The following VMP1 variants were observed in gnomAD, a reference collection of about 807,000 sequenced individuals.
The protein encoded by VMP1 is ectopic P-granules autophagy protein 3 homolog.
Under a neutral mutation model 56.0 loss-of-function variants are expected in VMP1, and 11 were observed. That is an observed-to-expected ratio of 0.20 (90% confidence interval 0.12 to 0.32). The LOEUF is 0.32. Ranked by LOEUF, VMP1 falls within the 10% of genes least tolerant of loss-of-function variation. The pLI is 1.00. For synonymous variants in VMP1, 149 were observed against 165.0 expected (o/e 0.90, Z 0.74); for missense variants, 296 against 490.3 (o/e 0.60, Z 3.74).
chr17:59,795,438 A>G (rs568542466), intron 7 of VMP1, among the ~76,000 whole-genome samples: 22 of 141,178 alleles, frequency 1.6e-4, no homozygotes, highest in African/African-American at 5.3e-4. Flanking sequence ...GATTTTTGAT[A>G]TATTTTCCTT....
intron 7 of VMP1, among the ~76,000 whole-genome samples, chr17:59,804,138 AT>A (rs2037766796): frequency 6.6e-6 from 1 of 152,118 alleles, no homozygotes; most frequent in Non-Finnish European, 1.5e-5. Flanking sequence ...TAATTAAAAA[AT>A]ATACTGAAGT....
chr17:59,799,945 CAAAA>C (rs11288012), intron 7 of VMP1, among the ~76,000 whole-genome samples: 17 of 110,330 alleles, frequency 1.5e-4, no homozygotes, highest in Non-Finnish European at 2.1e-4. Context: ...GACTTCCTCT[CAAAA>C]AAAAAAAAAA....
intron 10 of VMP1, among the ~76,000 whole-genome samples, chr17:59,825,077 ATTTTTTTTTTTTTTTT>A (rs747807694): frequency 1.4e-5 from 1 of 70,090 alleles, no homozygotes; most frequent in Admixed American, 2.0e-4. Flanking sequence ...GTTAGTTGTG[ATTTTTTTTTTTTTTTT>A]TTTTTTTTTT....
intron 5 of VMP1, among the ~76,000 whole-genome samples, chr17:59,739,655 C>T (rs548059769): frequency 2.1e-3 from 285 of 133,126 alleles, no homozygotes; most frequent in African/African-American, 7.8e-3. Flanking sequence ...ACCCGGGAGG[C>T]GGAGCTTCCA....
intron 7 of VMP1, among the ~76,000 whole-genome samples, chr17:59,804,416 C>T (rs1214139485): frequency 6.6e-6 from 1 of 151,818 alleles, no homozygotes; most frequent in African/African-American, 2.4e-5. Flanking sequence ...GAGTTTGACA[C>T]CAGCCTGGGC....
At chr17:59,795,642 T>C (rs2037413115) in intron 7 of VMP1, among the ~76,000 whole-genome samples, 1 of 151,784 alleles carries the variant, frequency 6.6e-6, no homozygotes, top group South Asian at 2.1e-4. Context: ...AAATCCTCTC[T>C]CTACCATTTA....
chr17:59,747,124 A>G (rs2035450896), intron 5 of VMP1, among the ~76,000 whole-genome samples: 1 of 152,036 alleles, frequency 6.6e-6, no homozygotes, highest in Non-Finnish European at 1.5e-5. Context: ...CCAAAAACCA[A>G]GCCATCAAAT....
chr17:59,832,762 T>TTC (rs1461439292), intron 10 of VMP1, among the ~76,000 whole-genome samples: 1 of 21,820 alleles, frequency 4.6e-5, no homozygotes, highest in Non-Finnish European at 1.1e-4. Flanking sequence ...CCTGGCAATA[T>TTC]TTTTTTTTTT....
At chr17:59,727,335 C>T (rs976705923) in intron 1 of VMP1, among the ~76,000 whole-genome samples, 18 of 152,078 alleles carry the variant, frequency 1.2e-4, no homozygotes, top group African/African-American at 3.6e-4. Flanking sequence ...AGGCTTTCAC[C>T]GTGTCAGCCA....
intron 7 of VMP1, among the ~76,000 whole-genome samples, chr17:59,801,787 G>T (rs1204975242): frequency 1.3e-5 from 2 of 151,918 alleles, no homozygotes; most frequent in Non-Finnish European, 2.9e-5. Context: ...CCCAGTTCAG[G>T]CAGGAGAATT....
chr17:59,791,719 C>T (rs991637321), intron 7 of VMP1, among the ~76,000 whole-genome samples: 9 of 152,190 alleles, frequency 5.9e-5, no homozygotes, highest in Non-Finnish European at 1.2e-4. Flanking sequence ...CCACCTTGGC[C>T]TCCCAAAATG....
At chr17:59,721,225 A>T (rs1414348944) in intron 1 of VMP1, among the ~76,000 whole-genome samples, 1 of 151,900 alleles carries the variant, frequency 6.6e-6, no homozygotes, top group Non-Finnish European at 1.5e-5. Context: ...ACACACCTGT[A>T]ATTCCAGCTA....
intron 7 of VMP1, among the ~76,000 whole-genome samples, chr17:59,775,654 C>G (rs745503203): frequency 3.3e-5 from 5 of 152,184 alleles, no homozygotes; most frequent in Admixed American, 6.5e-5. Flanking sequence ...TTTAACAGTT[C>G]AAACTATTCA....
chr17:59,740,107 AAG>A (rs1340986911), intron 5 of VMP1, among the ~76,000 whole-genome samples: 3 of 152,038 alleles, frequency 2.0e-5, no homozygotes, highest in Admixed American at 2.0e-4. Flanking sequence ...AAAAAGAAAT[AAG>A]AGAGAATGAA....
At chr17:59,717,627 C>T (rs1464814746) in intron 1 of VMP1, among the ~76,000 whole-genome samples, 3 of 152,176 alleles carry the variant, frequency 2.0e-5, no homozygotes, top group Admixed American at 6.5e-5. Context: ...AAACGATCCT[C>T]CTACCTCCCA....
chr17:59,752,011 C>T (rs1287714600), intron 5 of VMP1, among the ~76,000 whole-genome samples: 1 of 151,628 alleles, frequency 6.6e-6, no homozygotes, highest in Non-Finnish European at 1.5e-5. Context: ...CGGGGTCTCT[C>T]CATGTTGCCC....
At position 59,838,302 on chromosome 17, in the gene VMP1, C is replaced by T; in HGVS notation, c.982C>T (p.Pro328Ser). ...ACTGTACCCTGCTTCCAGTGCTGTC[C>T]CCGGCATAGGTCCATCTCTGCAGAA... ...EQMVAFIGAV[P>S]GIGPSLQKPF... Residue 328 changes from proline (P) to serine (S), a missense_variant, in exon 11 of 12, where the codon CCC (proline) becomes TCC (serine). Pro to Ser is a moderately conservative substitution (Grantham distance 74). Around this residue, in one of 4 missense-constraint regions of VMP1, gnomAD observed 95 missense variants for 137.6 expected, o/e 0.69. Coordinates refer to ENST00000262291, the MANE Select transcript of VMP1 (RefSeq NM_030938.5). The T allele has an allele frequency of 6.2e-7, 1 of 1,613,720 alleles. No individual in the cohort carries two copies. Among genetic ancestry groups the T allele is most frequent in the Non-Finnish European group, 8.5e-7 (1 of 1,179,876 alleles).
Position 59,776,803 on chromosome 17 carries a change from T to C in VMP1, c.714+2918T>C, listed in dbSNP as rs142317755. On this transcript the variant is annotated intron_variant, in intron 7 of 11. Coordinates refer to ENST00000262291, the MANE Select transcript of VMP1 (RefSeq NM_030938.5). The stretch of plus-strand genomic sequence containing the variant: ...TCTATATGAAATCAGCAAGTTGAAG[T>C]GGAATAAATATAAGGTGGCTTGCAG... 2.6e-3 allele frequency among the ~76,000 whole-genome samples: 393 copies of C among 152,346 alleles called. 1 individual carries two copies. The highest frequency in any genetic ancestry group is 8.4e-3 in the African/African-American group (350 of 41,578).
chr17:59,726,290 T>TG (rs1046481797), intron 1 of VMP1, among the ~76,000 whole-genome samples: 2 of 120,610 alleles, frequency 1.7e-5, no homozygotes, highest in South Asian at 2.7e-4. Flanking sequence ...TAGTTTTTTT[T>TG]GTTTTTTTTT....
Sources: gnomAD v4.1 joint callset for allele counts (sites outside exome capture counted in the v4.1 genomes callset) on GRCh38, gnomAD v4.1.1 for gene constraint, gnomAD v4.1.1 regional missense constraint, MANE v1.5 for transcripts, NCBI Gene and HGNC (gene_info 2026-07-23, HGNC 2026-07-21) for gene names.